The following PKHD1L1 variants were observed in gnomAD, a reference collection of about 807,000 sequenced individuals.
The protein encoded by PKHD1L1 is PKHD1 like 1, also known as fibrocystin-L.
In PKHD1L1, 434 loss-of-function variants were observed where a neutral mutation model predicts 462.9. The ratio of observed to expected loss-of-function variants is 0.94; its 90% CI spans 0.87 to 1.02. The LOEUF is 1.02. Ranked by LOEUF, PKHD1L1 falls within the 50% of genes least tolerant of loss-of-function variation. The probability of loss-of-function intolerance (pLI) is 0.00; values close to 1 mark genes in which losing one functional copy is unlikely to be tolerated. For synonymous variants in PKHD1L1, 1,781 were observed against 1,750.0 expected (o/e 1.02, Z -0.44); for missense variants, 5,202 against 5,096.1 (o/e 1.02, Z -0.63).
intron 21 of PKHD1L1, among the ~76,000 whole-genome samples, chr8:109,414,690 T>G (rs2349759): frequency 0.3 from 45,057 of 151,788 alleles, 7,239 homozygotes; most frequent in Admixed American, 0.43. Flanking sequence ...ACTCAGAACT[T>G]TCATGTGTGG....
rs1347617531 is a variant in PKHD1L1 at position 109,449,477 on chromosome 8, A to G, written c.6165A>G (p.Pro2055=). 2.5e-6 allele frequency: 4 copies of G among 1,592,446 alleles called. No homozygotes were observed. Among genetic ancestry groups the G allele is most frequent in the Non-Finnish European group, 3.4e-6 (4 of 1,169,164 alleles). ...SDYTTLLCEI[P]SNNGTGAEQA... is the part of the protein sequence containing the mutation. Reference sequence around the variant, plus strand: ...ACACAACACTATTATGTGAAATTCCATCTAATAATGGTAAGTTGTCAGAAA... The same window carrying G: ...ACACAACACTATTATGTGAAATTCCGTCTAATAATGGTAAGTTGTCAGAAA... Residue 2055 remains proline (P), a synonymous_variant, in exon 40 of 78, where the codon CCA becomes CCG. Coordinates refer to ENST00000378402, the MANE Select transcript of PKHD1L1 (RefSeq NM_177531.6).
intron 10 of PKHD1L1, 116 bp downstream of exon 10, chr8:109,394,601 A>G: frequency 8.1e-6 from 5 of 614,158 alleles, no homozygotes; most frequent in Non-Finnish European, 1.2e-5. Flanking sequence ...ATGTACTGCT[A>G]GGAAAGGAAA....
rs141337729 is a variant in PKHD1L1 at position 109,438,314 on chromosome 8, C to T, written c.3628-10C>T. ...ATTAATATTTTCTAATTTTTTTCCT[C>T]TTATTTTAGAAAACTGAGGGTACAG... On this transcript the variant is annotated splice_polypyrimidine_tract_variant and intron_variant, in intron 30 of 77. Coordinates refer to ENST00000378402, the MANE Select transcript of PKHD1L1 (RefSeq NM_177531.6). 2.0e-6 allele frequency: 3 copies of T among 1,463,486 alleles called. No individual in the cohort carries two copies. Among genetic ancestry groups the T allele is most frequent in the Admixed American group, 2.5e-5 (1 of 39,992 alleles). The allele number at this position is 1,463,486 out of a possible 1,614,324, so 90.7% of individuals were successfully genotyped here.
chr8:109,486,658 C>A lies in PKHD1L1; in HGVS notation c.9717C>A (p.Tyr3239Ter). Residue 3239 changes from tyrosine to a stop codon, truncating the protein, a stop_gained, in exon 59 of 78, where the codon TAC becomes TAA. Transcript: ENST00000378402. LOFTEE classifies it high-confidence loss of function. ...GCCTTTATACTGCAGCTGAAAAATA[C>A]CATGTCCCTGGAACTGGTGAGAGCT... The part of the protein sequence containing the change: ...SLSYTHFAEK[Y>*]HVPGTGESYT... The A allele has an allele frequency of 6.2e-7, 1 of 1,610,480 alleles. No homozygotes were observed. The highest frequency in any genetic ancestry group is 8.5e-7 in the Non-Finnish European group (1 of 1,178,072).
intron 11 of PKHD1L1, among the ~76,000 whole-genome samples, chr8:109,397,245 G>C (rs942586317): frequency 6.6e-6 from 1 of 152,122 alleles, no homozygotes; most frequent in Non-Finnish European, 1.5e-5. Flanking sequence ...TCAAGATTTT[G>C]AATCCTCAAT....
intron 67 of PKHD1L1, 110 bp from the exon 68 acceptor site, chr8:109,504,217 C>A: frequency 1.6e-6 from 1 of 636,746 alleles, no homozygotes; most frequent in Non-Finnish European, 2.5e-6. Context: ...CAGGCAAGAG[C>A]TCCATGTTTA....
intron 71 of PKHD1L1, 56 bp downstream of exon 71, chr8:109,510,990 T>C (rs1819946886): frequency 1.9e-6 from 3 of 1,565,634 alleles, no homozygotes; most frequent in Admixed American, 1.7e-5. Flanking sequence ...GTTATTTCTA[T>C]CTGCTAAGGC....
At chr8:109,471,834 A>T (rs1817738482) in intron 50 of PKHD1L1, among the ~76,000 whole-genome samples, 1 of 152,184 alleles carries the variant, frequency 6.6e-6, no homozygotes, top group South Asian at 2.1e-4. Flanking sequence ...ATAAAAATTA[A>T]CTTAGTTTTT....
At chr8:109,406,573 G>A (rs1244581481) in intron 17 of PKHD1L1, 95 bp downstream of exon 17, 3 of 1,320,180 alleles carry the variant, frequency 2.3e-6, no homozygotes, top group Admixed American at 6.5e-5. Flanking sequence ...AAAAGACTTG[G>A]TTAATCTTAG....
chr8:109,470,544 C>A (rs1480730718), intron 50 of PKHD1L1: 7 of 1,609,732 alleles, frequency 4.3e-6, no homozygotes, highest in Non-Finnish European at 5.9e-6. Flanking sequence ...ATTTTGATTC[C>A]TTTATTGCAG....
At chr8:109,486,437 G>A (rs923563393) in intron 58 of PKHD1L1, among the ~76,000 whole-genome samples, 1 of 151,900 alleles carries the variant, frequency 6.6e-6, no homozygotes, top group African/African-American at 2.4e-5. Context: ...GATGTAAATA[G>A]AGGAAATATT....
intron 1 of PKHD1L1, among the ~76,000 whole-genome samples, chr8:109,363,576 C>A (rs1198590456): frequency 6.6e-6 from 1 of 152,050 alleles, no homozygotes; most frequent in Admixed American, 6.6e-5. Context: ...GTGAAAATTT[C>A]TTTTAGGATT....
chr8:109,487,929 G>GAAGGAAGGAAGT (rs1291853388), intron 59 of PKHD1L1, among the ~76,000 whole-genome samples: 2 of 150,604 alleles, frequency 1.3e-5, no homozygotes, highest in Non-Finnish European at 3.0e-5. Flanking sequence ...AGGAAGGAAG[G>GAAGGAAGGAAGT]AAGGAAGGAA....
Position 109,448,263 on chromosome 8 carries a change from A to G in PKHD1L1, c.5897A>G (p.Gln1966Arg). 1 of 1,613,714 alleles carries G rather than the reference A, an allele frequency of 6.2e-7. No homozygotes were observed. Among genetic ancestry groups the G allele is most frequent in the Non-Finnish European group, 8.5e-7 (1 of 1,179,816 alleles). ...ACCATGGCCAATGATAGTGTGGTGC[A>G]GTGCATCGTGGGAGATCATGCTGGG... ...NVTMANDSVV[Q>R]CIVGDHAGGT... The change falls in exon 39 of 78, where the codon CAG (glutamine) becomes CGG (arginine). Residue 1966 changes from glutamine (Q) to arginine (R), a missense_variant. This residue lies in a region of PKHD1L1 where 4,497 missense variants were observed against 4,336.8 expected (regional missense o/e 1.04). Transcript: ENST00000378402.
At position 109,445,365 on chromosome 8, in the gene PKHD1L1, A is replaced by G. The variant is rs1816074569; in HGVS notation, c.5496A>G (p.Pro1832=). 8 of 1,613,980 alleles carry G rather than the reference A, an allele frequency of 5.0e-6. No individual in the cohort carries two copies. In the South Asian group the frequency reaches 5.5e-5, roughly 11 times the overall value. The change falls in exon 38 of 78, where the codon CCA becomes CCG. Residue 1832 remains proline (P), a synonymous_variant. Transcript: ENST00000378402. ...ALGNLTVSSP[P]VASLSPTSGS... is the part of the protein sequence containing the mutation. ...GAAACCTGACTGTCAGCAGCCCCCC[A>G]GTAGCATCTCTATCACCAACTTCTG...
Position 109,452,771 on chromosome 8 carries a change from G to A in PKHD1L1, c.6561G>A (p.Gly2187=), listed in dbSNP as rs1054460478. ...VDAWSSNFSW[G]GKSPPEEGSL... is the part of the protein sequence containing the mutation. ...CCTGGTCCTCCAATTTCTCATGGGG[G>A]GGAAAATCTCCCCCAGAAGAAGGAT... Residue 2187 remains glycine, a synonymous_variant, in exon 43 of 78, where the codon GGG becomes GGA. Transcript: ENST00000378402. The A allele has an allele frequency of 1.8e-5, 27 of 1,537,328 alleles. No individual in the cohort carries two copies. The highest frequency in any genetic ancestry group is 2.4e-5 in the Non-Finnish European group (27 of 1,142,832).
intron 77 of PKHD1L1, among the ~76,000 whole-genome samples, chr8:109,527,326 A>G (rs1262602372): frequency 6.6e-6 from 1 of 151,036 alleles, no homozygotes; most frequent in African/African-American, 2.4e-5. Context: ...ACATGGCAAA[A>G]CCCTAACTCT....
At position 109,531,241 on chromosome 8, in the gene PKHD1L1, T is replaced by C. The variant is rs897537278; in HGVS notation, c.*1151T>C. Among the ~76,000 whole-genome samples, 1 of 152,188 alleles carries C rather than the reference T, an allele frequency of 6.6e-6. No homozygotes were observed. Among genetic ancestry groups the C allele is most frequent in the Non-Finnish European group, 1.5e-5 (1 of 68,038 alleles). ...TACTTAGCAGAAAATGTATAAACAC[T>C]TACCAGGTAGTAAAATCAAATATCT... On this transcript the variant is annotated 3_prime_UTR_variant, in exon 78 of 78. Coordinates refer to ENST00000378402, the MANE Select transcript of PKHD1L1 (RefSeq NM_177531.6).
intron 4 of PKHD1L1, among the ~76,000 whole-genome samples, chr8:109,383,184 ATAAT>A (rs1465173160): frequency 9.5e-5 from 10 of 105,804 alleles, no homozygotes; most frequent in Non-Finnish European, 1.8e-4. Flanking sequence ...AATAATATAT[ATAAT>A]TATATATAAT....
Sources: gnomAD v4.1 joint callset for allele counts (sites outside exome capture counted in the v4.1 genomes callset) on GRCh38, gnomAD v4.1.1 for gene constraint, gnomAD v4.1.1 regional missense constraint, MANE v1.5 for transcripts, NCBI Gene and HGNC (gene_info 2026-07-23, HGNC 2026-07-21) for gene names.